TAF4: variants seen among roughly 807,000 people sequenced by gnomAD.
TAF4 encodes transcription initiation factor TFIID subunit 4.
A neutral mutation model predicts 90.3 loss-of-function variants in TAF4; 9 were observed. The observed-to-expected ratio is 0.10, with a 90% CI of 0.06 to 0.17. The LOEUF (loss-of-function observed/expected upper bound fraction) is 0.17, where lower values mean the gene tolerates loss of function less well. Ranked by LOEUF, TAF4 falls within the 10% of genes least tolerant of loss-of-function variation. TAF4 has a pLI of 1.00. For missense variants in TAF4, 1,351 were observed against 1,370.7 expected (o/e 0.99, Z 0.23); for synonymous variants, 818 against 638.9 (o/e 1.28, Z -4.23).
Position 62,014,535 on chromosome 20 carries a change from A to C in TAF4, c.1521+12T>G. ...GGAAGGGGTTCGCACTCCAGGGCAC[A>C]CGTGCACTCACCTGTACGGTGGAGA... is the stretch of plus-strand genomic sequence containing the variant. On this transcript the variant is annotated intron_variant, in intron 2 of 14. Transcript: ENST00000252996. 6.3e-7 allele frequency: 1 copy of C among 1,599,476 alleles called. No individual in the cohort carries two copies. Among genetic ancestry groups the C allele is most frequent in the Non-Finnish European group, 8.5e-7 (1 of 1,172,744 alleles).
intron 12 of TAF4, 131 bp downstream of exon 12, chr20:61,998,852 C>G: frequency 8.6e-7 from 1 of 1,158,408 alleles, no homozygotes. Flanking sequence ...CTGACAGCAC[C>G]CATCACCTTT....
intron 14 of TAF4, among the ~76,000 whole-genome samples, chr20:61,990,271 A>G (rs1225264691): frequency 2.0e-5 from 3 of 152,194 alleles, no homozygotes; most frequent in Non-Finnish European, 4.4e-5. Flanking sequence ...ATGCTCATAC[A>G]CCGGAGTCTG....
At chr20:61,986,957 A>G (rs1221914163) in intron 14 of TAF4, among the ~76,000 whole-genome samples, 1 of 152,260 alleles carries the variant, frequency 6.6e-6, no homozygotes, top group African/African-American at 2.4e-5. Context: ...CAAAGGCCTG[A>G]TAAGAAATGG....
At chr20:61,991,616 A>C (rs1029821817) in intron 14 of TAF4, among the ~76,000 whole-genome samples, 1 of 152,124 alleles carries the variant, frequency 6.6e-6, no homozygotes, top group Non-Finnish European at 1.5e-5. Flanking sequence ...AAAACAAAAA[A>C]AAAGAGAGAG....
In TAF4 at chr20:62,065,818, C is replaced by T. The variant is rs975929200; in HGVS notation, c.-8G>A. On this transcript the variant is annotated 5_prime_UTR_variant, in exon 1 of 15. Transcript: ENST00000252996. ...ATCCGAGCCCGCCGCCATCTTTTTT[C>T]CTCGGCCGCCGCCGCCGCCGCCGCT... 4.7e-6 allele frequency: 6 copies of T among 1,283,158 alleles called. No homozygotes were observed. In the African/African-American group the frequency reaches 4.8e-5, roughly 10 times the overall value. The allele number at this position is 1,283,158 out of a possible 1,614,324, so 79.5% of individuals were successfully genotyped here. A position where few individuals can be genotyped will look rare whatever the true frequency, so the allele number is the denominator to read the frequency against.
chr20:62,065,123 T>TGGGCAG lies in TAF4; in HGVS notation c.682_687dup (p.Leu228_Pro229dup). On this transcript the variant is annotated inframe_insertion, in exon 1 of 15. Coordinates refer to ENST00000252996, the MANE Select transcript of TAF4 (RefSeq NM_003185.4). ...ATGACAGTGCCGGGGGCGGCGGGCT[T>TGGGCAG]GGGCAGCGGCAGCAGCGCGGCGGGC... The TGGGCAG allele has an allele frequency of 1.8e-6, 2 of 1,138,820 alleles. No individual in the cohort carries two copies. The highest frequency in any genetic ancestry group is 2.2e-6 in the Non-Finnish European group (2 of 913,302). 70.5% of individuals were successfully genotyped at this position (1,138,820 alleles called of 1,614,324 possible).
At chr20:62,014,445 A>G (rs1198583135) in intron 2 of TAF4, 102 bp downstream of exon 2, 5 of 1,395,708 alleles carry the variant, frequency 3.6e-6, no homozygotes, top group Non-Finnish European at 4.7e-6. Context: ...CCCAGTCCTC[A>G]CTCCCATGGC....
intron 8 of TAF4, 90 bp from the exon 9 acceptor site, chr20:62,003,364 A>C: frequency 1.9e-6 from 2 of 1,025,716 alleles, no homozygotes; most frequent in Admixed American, 3.9e-5. Flanking sequence ...GGGCACAGCT[A>C]CCACTCTCCT....
In TAF4 at chr20:61,974,908, T is replaced by C; in HGVS notation, c.*1260A>G. 6.6e-6 allele frequency: 1 copy of C among 152,426 alleles called. No homozygotes were observed. The highest frequency in any genetic ancestry group is 6.5e-5 in the Admixed American group (1 of 15,284). 9.4% of individuals were successfully genotyped at this position (152,426 alleles called of 1,614,324 possible). On this transcript the variant is annotated 3_prime_UTR_variant, in exon 15 of 15. Coordinates refer to ENST00000252996, the MANE Select transcript of TAF4 (RefSeq NM_003185.4). This position sits in a 1 kb window ranked among gnomAD's most constrained non-coding sequence, Gnocchi z 4.1. The stretch of plus-strand genomic sequence containing the variant: ...AGTAAAATATTTACATATGAACAAG[T>C]AACTGTGCAAAATTTACATGAAAAA...
intron 1 of TAF4, among the ~76,000 whole-genome samples, chr20:62,039,900 C>T (rs1057294283): frequency 5.9e-5 from 9 of 152,330 alleles, no homozygotes; most frequent in Admixed American, 1.3e-4. Context: ...GGTGGAAAGA[C>T]GCTCAGCATT....
chr20:62,056,455 G>A lies in TAF4; in HGVS notation c.1360+7996C>T, dbSNP rs377077094. 1.1e-4 allele frequency among the ~76,000 whole-genome samples: 16 copies of A among 152,240 alleles called. No individual in the cohort carries two copies. In the East Asian group the frequency reaches 1.7e-3, roughly 17 times the overall value. ...CTGGTGGAAGGTGATATGTATCAAA[G>A]CCTTGAAAATGCTCAACCCACCAGA... On this transcript the variant is annotated intron_variant, in intron 1 of 14. Transcript: ENST00000252996.
At chr20:61,993,844 C>G (rs956420509) in intron 14 of TAF4, among the ~76,000 whole-genome samples, 1 of 152,164 alleles carries the variant, frequency 6.6e-6, no homozygotes, top group Admixed American at 6.5e-5. Flanking sequence ...CCTCCGCCTC[C>G]AGGGTTCAAG....
intron 1 of TAF4, among the ~76,000 whole-genome samples, chr20:62,060,532 C>T (rs1600867236): frequency 6.6e-6 from 1 of 152,268 alleles, no homozygotes; most frequent in South Asian, 2.1e-4. Flanking sequence ...ATGGTGACGA[C>T]CCCAGCCGCG....
At position 62,006,492 on chromosome 20, in the gene TAF4, C is replaced by G. The variant is rs747205543; in HGVS notation, c.2223+18G>C. 1 of 1,487,522 alleles carries G rather than the reference C, an allele frequency of 6.7e-7. No individual in the cohort carries two copies. Among genetic ancestry groups the G allele is most frequent in the Non-Finnish European group, 8.9e-7 (1 of 1,118,346 alleles). The allele number at this position is 1,487,522 out of a possible 1,614,324, so 92.1% of individuals were successfully genotyped here. On this transcript the variant is annotated intron_variant, in intron 7 of 14. Coordinates refer to ENST00000252996, the MANE Select transcript of TAF4 (RefSeq NM_003185.4). This position sits in a 1 kb window ranked among gnomAD's most constrained non-coding sequence, Gnocchi z 7.0. ...GGCACGGTGGGCTGTGCAGACCAGT[C>G]AGGCGCCCCTTCCATACCAGCGGTG...
At chr20:62,015,048 T>C (rs1033920245) in intron 1 of TAF4, among the ~76,000 whole-genome samples, 5 of 152,264 alleles carry the variant, frequency 3.3e-5, no homozygotes, top group South Asian at 4.2e-4. Flanking sequence ...GACATGCCAG[T>C]CTCCTTGCCC....
chr20:62,029,548 T>G (rs1568936688), intron 1 of TAF4, among the ~76,000 whole-genome samples: 2 of 152,114 alleles, frequency 1.3e-5, no homozygotes, highest in Non-Finnish European at 2.9e-5. Flanking sequence ...TACTTGGGGC[T>G]GCCGTGGTGG....
Position 62,064,660 on chromosome 20 carries a change from G to C in TAF4, c.1151C>G (p.Pro384Arg). 7.7e-7 allele frequency: 1 copy of C among 1,303,830 alleles called. No homozygotes were observed. 80.8% of individuals were successfully genotyped at this position (1,303,830 alleles called of 1,614,324 possible). A position where few individuals can be genotyped will look rare whatever the true frequency, so the allele number is the denominator to read the frequency against. Residue 384 changes from proline to arginine, a missense_variant, in exon 1 of 15, where the codon CCC becomes CGC. This residue lies in a region of TAF4 where 782 missense variants were observed against 536.6 expected (regional missense o/e 1.46). Coordinates refer to ENST00000252996, the MANE Select transcript of TAF4 (RefSeq NM_003185.4). ...GGGCGGCGGGACGGCGGCCGGGCTG[G>C]GCAGCGCCCCTTGCATAGTTGGCCC... Reference protein sequence around the residue: ...VIGPTMQGALPSPAAVPPPAP... With the variant: ...VIGPTMQGALRSPAAVPPPAP...
chr20:62,044,295 G>A (rs933984343), intron 1 of TAF4, among the ~76,000 whole-genome samples: 1 of 152,140 alleles, frequency 6.6e-6, no homozygotes, highest in Non-Finnish European at 1.5e-5. Flanking sequence ...AAGAAAAAAT[G>A]TCAAGGTAAA....
intron 1 of TAF4, among the ~76,000 whole-genome samples, chr20:62,021,003 T>TC (rs34194494): frequency 6.6e-6 from 1 of 151,922 alleles, no homozygotes; most frequent in African/African-American, 2.4e-5. Context: ...GGAAAGACCT[T>TC]CCCCGTGTTT....
Sources: allele counts gnomAD v4.1 joint callset (sites outside exome capture counted in the v4.1 genomes callset), GRCh38; gene constraint gnomAD v4.1.1; regional missense constraint gnomAD v4.1.1; non-coding constraint Gnocchi (gnomAD v3.1); transcripts MANE v1.5; gene names NCBI Gene and HGNC (gene_info 2026-07-23, HGNC 2026-07-21).